The following RNF8 variants were observed in gnomAD, a reference collection of about 807,000 sequenced individuals.
RNF8 encodes E3 ubiquitin-protein ligase RNF8.
A neutral mutation model predicts 59.3 loss-of-function variants in RNF8; 8 were observed. That is an observed-to-expected ratio of 0.13 (90% confidence interval 0.08 to 0.24). The LOEUF (loss-of-function observed/expected upper bound fraction) is 0.24. RNF8 is among the 10% of genes least tolerant of loss of function. The probability of loss-of-function intolerance (pLI) is 1.00; values close to 1 mark genes in which losing one functional copy is unlikely to be tolerated. For missense variants in RNF8, 406 were observed against 572.6 expected (o/e 0.71, Z 2.97); for synonymous variants, 162 against 200.0 (o/e 0.81, Z 1.60).
At chr6:37,375,644 T>C (rs1769982104) in intron 5 of RNF8, among the ~76,000 whole-genome samples, 1 of 152,234 alleles carries the variant, frequency 6.6e-6, no homozygotes, top group Admixed American at 6.5e-5. Context: ...CTGCCACATC[T>C]TTTTAAACCC....
Position 37,368,941 on chromosome 6 carries a change from A to G in RNF8, c.698A>G (p.Glu233Gly). Residue 233 changes from glutamate (E) to glycine (G), a missense_variant, in exon 3 of 8, where the codon GAG becomes GGG. Around this residue, in one of 3 missense-constraint regions of RNF8, gnomAD observed 285 missense variants for 342.0 expected, o/e 0.83. Coordinates refer to ENST00000373479, the MANE Select transcript of RNF8 (RefSeq NM_003958.4). ...CCCAAAGTCACAGAGGTTCATCATG[A>G]GCAGAAAGCCTCAAACTCTTCAGCA... The part of the protein sequence containing the change: ...GFPKVTEVHH[E>G]QKASNSSASQ... 6.2e-7 allele frequency: 1 copy of G among 1,614,202 alleles called. No individual in the cohort carries two copies. Among genetic ancestry groups the G allele is most frequent in the Non-Finnish European group, 8.5e-7 (1 of 1,180,038 alleles).
At chr6:37,364,016 A>G (rs768323817) in intron 2 of RNF8, among the ~76,000 whole-genome samples, 9 of 151,996 alleles carry the variant, frequency 5.9e-5, no homozygotes, top group Non-Finnish European at 1.0e-4. Context: ...CGTCTCTACT[A>G]AAAATATAAA....
At chr6:37,367,479 C>T (rs371997732) in intron 2 of RNF8, among the ~76,000 whole-genome samples, 2 of 152,186 alleles carry the variant, frequency 1.3e-5, no homozygotes, top group Non-Finnish European at 2.9e-5. Flanking sequence ...TCTTGGCTCA[C>T]GGCATCCTCT....
intron 7 of RNF8, among the ~76,000 whole-genome samples, chr6:37,387,838 A>G (rs527862812): frequency 6.6e-6 from 1 of 152,328 alleles, no homozygotes; most frequent in Admixed American, 6.5e-5. Context: ...AGTGAAGGAC[A>G]TGGAGTGTAT....
At position 37,393,115 on chromosome 6, in the gene RNF8, C is replaced by T. The variant is rs1328170625; in HGVS notation, c.*2357C>T. 1.3e-5 allele frequency: 2 copies of T among 152,968 alleles called. No individual in the cohort carries two copies. Among genetic ancestry groups the T allele is most frequent in the South Asian group, 2.1e-4 (1 of 4,832 alleles). The allele number at this position is 152,968 out of a possible 1,614,324, so 9.5% of individuals were successfully genotyped here. ...GTTCCACAACATCTAGGAAAGTGAG[C>T]TCTTAAAGACAGACTAAAAAGAGTA... On this transcript the variant is annotated 3_prime_UTR_variant, in exon 8 of 8. Coordinates refer to ENST00000373479, the MANE Select transcript of RNF8 (RefSeq NM_003958.4).
Position 37,394,127 on chromosome 6 carries a change from TA to T in RNF8, c.*3371del, listed in dbSNP as rs1161685773. 2 of 152,384 alleles carry T rather than the reference TA, an allele frequency of 1.3e-5. No individual in the cohort carries two copies. Among genetic ancestry groups the T allele is most frequent in the African/African-American group, 4.8e-5 (2 of 41,598 alleles). The allele number at this position is 152,384 out of a possible 1,614,324, so 9.4% of individuals were successfully genotyped here. On this transcript the variant is annotated 3_prime_UTR_variant, in exon 8 of 8. Transcript: ENST00000373479. ...GAATGTCTACTTTGTATTGTGGTCC[TA>T]ATCTAAGATCAGGAGAATCCTGGAA...
intron 7 of RNF8, among the ~76,000 whole-genome samples, 192 bp downstream of exon 7, chr6:37,381,546 A>G (rs1183256815): frequency 6.6e-6 from 1 of 152,166 alleles, no homozygotes; most frequent in Non-Finnish European, 1.5e-5. Flanking sequence ...ATTAACCGCA[A>G]CTGTTACTTG....
intron 1 of RNF8, among the ~76,000 whole-genome samples, chr6:37,356,571 A>G (rs942370777): frequency 1.3e-5 from 2 of 152,236 alleles, no homozygotes; most frequent in African/African-American, 4.8e-5. Flanking sequence ...TGGAAAAACA[A>G]GTAGAGATTT....
intron 4 of RNF8, among the ~76,000 whole-genome samples, chr6:37,373,307 G>C (rs1174944239): frequency 2.0e-5 from 3 of 152,244 alleles, no homozygotes; most frequent in East Asian, 3.9e-4. Context: ...AAAATAAAAA[G>C]ATGTGTTTAT....
chr6:37,389,348 T>A (rs1770636289), intron 7 of RNF8, among the ~76,000 whole-genome samples: 1 of 151,688 alleles, frequency 6.6e-6, no homozygotes, highest in Non-Finnish European at 1.5e-5. Flanking sequence ...GAAGTCAGTT[T>A]ACAGTGATTG....
chr6:37,376,988 A>G lies in RNF8; in HGVS notation c.1191A>G (p.Leu397=), dbSNP rs966797143. 4 of 1,596,614 alleles carry G rather than the reference A, an allele frequency of 2.5e-6. No individual in the cohort carries two copies. Among genetic ancestry groups the G allele is most frequent in the Non-Finnish European group, 3.4e-6 (4 of 1,168,108 alleles). Residue 397 remains leucine, a synonymous_variant, in exon 6 of 8, where the codon CTA becomes CTG. Coordinates refer to ENST00000373479, the MANE Select transcript of RNF8 (RefSeq NM_003958.4). ...EEVLSHMNDV[L]ENELQCIICS... ...TTCTTAGCCACATGAATGATGTGCT[A>G]GAGAATGAGCTCCAATGTATTATTT...
intron 7 of RNF8, among the ~76,000 whole-genome samples, chr6:37,384,229 C>T (rs921601370): frequency 6.6e-6 from 1 of 151,804 alleles, no homozygotes; most frequent in South Asian, 2.1e-4. Context: ...CAACCTCCCC[C>T]TCCCGGGTTT....
chr6:37,372,744 C>T (rs949629775), intron 4 of RNF8, among the ~76,000 whole-genome samples: 3 of 152,244 alleles, frequency 2.0e-5, no homozygotes, highest in South Asian at 2.1e-4. Context: ...CCCAGGCAGG[C>T]GGATCACCAG....
chr6:37,378,727 T>C (rs1319049468), intron 6 of RNF8, among the ~76,000 whole-genome samples: 1 of 152,182 alleles, frequency 6.6e-6, no homozygotes, highest in East Asian at 1.9e-4. Context: ...TTTCTTTTCC[T>C]CTGGGTCCGT....
chr6:37,374,941 G>A (rs569547224), intron 5 of RNF8, among the ~76,000 whole-genome samples: 45 of 152,316 alleles, frequency 3.0e-4, no homozygotes, highest in Non-Finnish European at 4.7e-4. Flanking sequence ...CTTGCATCCT[G>A]TATTCTAGTC....
In RNF8 at chr6:37,354,034, A is replaced by T. The variant is rs999599509; in HGVS notation, c.-131A>T. ...GCGGGCGAGCGGAGCCTGCTTTCGC[A>T]GCGATCGCGAGCGTGTGGCGATTGC... On this transcript the variant is annotated 5_prime_UTR_variant, in exon 1 of 8. Coordinates refer to ENST00000373479, the MANE Select transcript of RNF8 (RefSeq NM_003958.4). 6.7e-5 allele frequency: 53 copies of T among 795,628 alleles called. No homozygotes were observed. The South Asian group carries it at 7.5e-4, about 11-fold the overall frequency. 49.3% of individuals were successfully genotyped at this position (795,628 alleles called of 1,614,324 possible).
At chr6:37,381,792 T>A (rs142576942) in intron 7 of RNF8, among the ~76,000 whole-genome samples, 55 of 152,316 alleles carry the variant, frequency 3.6e-4, no homozygotes, top group African/African-American at 1.2e-3. Context: ...TGCAAGCACC[T>A]GTGGTTTGAA....
At chr6:37,364,520 A>G (rs1769469291) in intron 2 of RNF8, among the ~76,000 whole-genome samples, 1 of 152,210 alleles carries the variant, frequency 6.6e-6, no homozygotes, top group Admixed American at 6.5e-5. Flanking sequence ...ATATTGACGG[A>G]TACATACTTA....
intron 1 of RNF8, among the ~76,000 whole-genome samples, chr6:37,357,882 A>G (rs1269853302): frequency 6.6e-6 from 1 of 152,264 alleles, no homozygotes; most frequent in Non-Finnish European, 1.5e-5. Context: ...GTATAGAAAC[A>G]CAGTGGTAAA....
Sources: gnomAD v4.1 joint callset for allele counts (sites outside exome capture counted in the v4.1 genomes callset) on GRCh38, gnomAD v4.1.1 for gene constraint, gnomAD v4.1.1 regional missense constraint, MANE v1.5 for transcripts, NCBI Gene and HGNC (gene_info 2026-07-23, HGNC 2026-07-21) for gene names.